TESK2: variants seen among roughly 807,000 people sequenced by gnomAD.
TESK2 encodes the protein dual specificity testis-specific protein kinase 2.
TESK2 carries 39 observed loss-of-function variants against 57.1 expected under a neutral mutation model. The observed-to-expected ratio is 0.68, with a 90% CI of 0.53 to 0.89. The LOEUF (loss-of-function observed/expected upper bound fraction) is 0.89, where lower values mean the gene tolerates loss of function less well. Ranked by LOEUF, TESK2 falls within the 40% of genes least tolerant of loss-of-function variation. The probability of loss-of-function intolerance (pLI) is 0.00; values close to 1 mark genes in which losing one functional copy is unlikely to be tolerated. For missense variants in TESK2, 646 were observed against 732.1 expected (o/e 0.88, Z 1.36); for synonymous variants, 249 against 267.9 (o/e 0.93, Z 0.69).
rs1373434982 is a variant in TESK2, at chr1:45,457,690, C to T, written c.96G>A (p.Val32=). Residue 32 remains valine (V), a synonymous_variant, in exon 2 of 11, where the codon GTG becomes GTA. Coordinates refer to ENST00000372086, the MANE Select transcript of TESK2 (RefSeq NM_007170.3). ...ATGGCCAAACTCTTCCCACCTGGCT[C>T]ACATTTCCTTCTCCTCCACCACCTC... ...FEGGGGGEGN[V]SQVGRVWPSS... is the part of the protein sequence containing the mutation. The T allele has an allele frequency of 1.2e-6, 2 of 1,614,156 alleles. No homozygotes were observed. Among genetic ancestry groups the T allele is most frequent in the Non-Finnish European group, 1.7e-6 (2 of 1,180,024 alleles).
At chr1:45,476,470 G>C (rs572984963) in intron 1 of TESK2, among the ~76,000 whole-genome samples, 2 of 151,414 alleles carry the variant, frequency 1.3e-5, no homozygotes, top group African/African-American at 4.9e-5. Flanking sequence ...TGACACCACC[G>C]CACTCCGGCC....
intron 1 of TESK2, among the ~76,000 whole-genome samples, chr1:45,464,088 T>G (rs899887199): frequency 6.6e-6 from 1 of 152,212 alleles, no homozygotes; most frequent in East Asian, 1.9e-4. Flanking sequence ...GGTATTTTGA[T>G]GCAGACTGCA....
intron 1 of TESK2, among the ~76,000 whole-genome samples, chr1:45,480,459 A>C (rs1653172052): frequency 1.6e-5 from 2 of 127,970 alleles, no homozygotes; most frequent in South Asian, 2.3e-4. Flanking sequence ...CTCAGTCTCC[A>C]AAAAAAAAAA....
intron 3 of TESK2, among the ~76,000 whole-genome samples, chr1:45,409,661 G>A (rs956226548): frequency 6.6e-6 from 1 of 152,144 alleles, no homozygotes; most frequent in Non-Finnish European, 1.5e-5. Context: ...AAGTGTAGAG[G>A]TAAAAAGACT....
intron 1 of TESK2, among the ~76,000 whole-genome samples, chr1:45,458,311 T>A (rs757000886): frequency 1.3e-5 from 2 of 152,210 alleles, no homozygotes; most frequent in Non-Finnish European, 2.9e-5. Flanking sequence ...ACGCCTGTAA[T>A]CCCAGCACTT....
At position 45,345,083 on chromosome 1, in the gene TESK2, G is replaced by C; in HGVS notation, c.1473C>G (p.Tyr491Ter). Residue 491 changes from tyrosine to a stop codon, truncating the protein, a stop_gained, in exon 11 of 11, where the codon TAC becomes TAG. Coordinates refer to ENST00000372086, the MANE Select transcript of TESK2 (RefSeq NM_007170.3). LOFTEE classifies it high-confidence loss of function. ...GGAATGGTGGGATCTCTTTAACTCT[G>C]TACTTGAGACTACTTAGGCGTGGTG... ...GPPPRLSSLK[Y>*]RVKEIPPFRA... is the part of the protein sequence containing the mutation. 6.2e-7 allele frequency: 1 copy of C among 1,614,170 alleles called. No individual in the cohort carries two copies. Among genetic ancestry groups the C allele is most frequent in the Non-Finnish European group, 8.5e-7 (1 of 1,180,038 alleles).
chr1:45,377,419 GA>G (rs1417083749), intron 4 of TESK2, among the ~76,000 whole-genome samples: 1 of 146,444 alleles, frequency 6.8e-6, no homozygotes, highest in Non-Finnish European at 1.5e-5. Flanking sequence ...AGAGAACAAG[GA>G]TTTTTTTTTT....
chr1:45,354,801 AAAAAAAAAAAAAAAATATAT>A (rs1647338500), intron 5 of TESK2, among the ~76,000 whole-genome samples: 1 of 65,224 alleles, frequency 1.5e-5, no homozygotes, highest in Non-Finnish European at 2.7e-5. Context: ...AAAAAAAAAA[AAAAAAAAAAAAAAAATATAT>A]ATATATATAT....
intron 1 of TESK2, among the ~76,000 whole-genome samples, chr1:45,473,566 A>C (rs755080530): frequency 2.0e-5 from 3 of 152,156 alleles, no homozygotes; most frequent in East Asian, 1.9e-4. Flanking sequence ...TACTAAAACA[A>C]CACCAGTAAC....
intron 3 of TESK2, among the ~76,000 whole-genome samples, chr1:45,416,856 G>A (rs1215599490): frequency 2.7e-5 from 4 of 150,904 alleles, no homozygotes; most frequent in South Asian, 2.1e-4. Flanking sequence ...GTGCGATCTC[G>A]GCTCACTGCA....
intron 3 of TESK2, among the ~76,000 whole-genome samples, chr1:45,403,487 C>T (rs908469625): frequency 2.6e-5 from 4 of 152,154 alleles, no homozygotes; most frequent in Admixed American, 2.6e-4. Context: ...AGTCTCACAT[C>T]AGGTGACACT....
intron 2 of TESK2, among the ~76,000 whole-genome samples, chr1:45,432,430 G>A (rs1019042421): frequency 3.3e-5 from 5 of 151,810 alleles, no homozygotes; most frequent in Non-Finnish European, 7.4e-5. Context: ...GGTGGCTCAC[G>A]CCTGTAATCC....
rs1647113116 is a variant in TESK2 at position 45,344,749 on chromosome 1, G to A, written c.*91C>T. On this transcript the variant is annotated 3_prime_UTR_variant, in exon 11 of 11. Coordinates refer to ENST00000372086, the MANE Select transcript of TESK2 (RefSeq NM_007170.3). The stretch of plus-strand genomic sequence containing the variant: ...TTGGCCTAGCCTGCCTGCTCTGTAG[G>A]CTCCAGGGAAGAATCAAGGCTGTGC... The A allele has an allele frequency of 1.6e-6, 2 of 1,266,202 alleles. No individual in the cohort carries two copies. The highest frequency in any genetic ancestry group is 2.4e-5 in the East Asian group (1 of 42,170). 78.4% of individuals were successfully genotyped at this position (1,266,202 alleles called of 1,614,324 possible).
chr1:45,440,431 G>A (rs566011519), intron 2 of TESK2, among the ~76,000 whole-genome samples: 28 of 152,034 alleles, frequency 1.8e-4, no homozygotes, highest in Non-Finnish European at 3.2e-4. Context: ...GTGGGGCCAG[G>A]GGCTGGGCGC....
intron 2 of TESK2, among the ~76,000 whole-genome samples, chr1:45,430,248 G>A (rs992426255): frequency 1.3e-5 from 2 of 152,020 alleles, no homozygotes; most frequent in Admixed American, 6.6e-5. Flanking sequence ...CCAACACTTC[G>A]GAAGGCTGAG....
chr1:45,393,166 AC>A (rs1649215803), intron 3 of TESK2, among the ~76,000 whole-genome samples: 1 of 152,032 alleles, frequency 6.6e-6, no homozygotes, highest in African/African-American at 2.4e-5. Context: ...GATGTGACAC[AC>A]CCTTGCTTTT....
intron 4 of TESK2, among the ~76,000 whole-genome samples, chr1:45,377,340 G>A (rs1648469134): frequency 1.3e-5 from 2 of 151,536 alleles, no homozygotes; most frequent in South Asian, 2.1e-4. Context: ...AGGAAAAGAC[G>A]GCGGACCGAT....
chr1:45,445,265 G>A lies in TESK2; in HGVS notation c.222+12299C>T, dbSNP rs1028045640. Among the ~76,000 whole-genome samples, 5 of 151,942 alleles carry A rather than the reference G, an allele frequency of 3.3e-5. No individual in the cohort carries two copies. In the East Asian group the frequency reaches 5.8e-4, roughly 18 times the overall value. On this transcript the variant is annotated intron_variant, in intron 2 of 10. Coordinates refer to ENST00000372086, the MANE Select transcript of TESK2 (RefSeq NM_007170.3). ...GCCCCCTGCCTGCCAAACTATCCTCGAAAAACCCTAGCCTCTAAATTCTTG... is the reference window on the plus strand; with the variant it reads ...GCCCCCTGCCTGCCAAACTATCCTCAAAAAACCCTAGCCTCTAAATTCTTG...
At chr1:45,488,733 C>T (rs1192350956) in intron 1 of TESK2, among the ~76,000 whole-genome samples, 1 of 152,178 alleles carries the variant, frequency 6.6e-6, no homozygotes, top group African/African-American at 2.4e-5. Flanking sequence ...CCTTCACAAC[C>T]AAACTCTGGA....
Sources: gnomAD v4.1 joint callset for allele counts (sites outside exome capture counted in the v4.1 genomes callset) on GRCh38, gnomAD v4.1.1 for gene constraint, MANE v1.5 for transcripts, NCBI Gene and HGNC (gene_info 2026-07-23, HGNC 2026-07-21) for gene names.